The following NDUFA8 variants were observed in gnomAD, a reference collection of about 807,000 sequenced individuals.
NDUFA8 encodes NADH:ubiquinone oxidoreductase subunit A8.
A neutral mutation model predicts 20.9 loss-of-function variants in NDUFA8; 16 were observed. The ratio of observed to expected loss-of-function variants is 0.77; its 90% CI spans 0.52 to 1.16. NDUFA8 has a LOEUF of 1.16. NDUFA8 is among the 50% of genes most tolerant of loss of function. The pLI is 0.00. For synonymous variants in NDUFA8, 70 were observed against 76.1 expected, an observed-to-expected ratio of 0.92 and a Z score of 0.41; for missense variants, 202 against 216.4, an observed-to-expected ratio of 0.93 and a Z score of 0.42.
intron 2 of NDUFA8, among the ~76,000 whole-genome samples, chr9:122,148,717 C>CA (rs1828944988): frequency 6.6e-6 from 1 of 151,952 alleles, no homozygotes; most frequent in Non-Finnish European, 1.5e-5. Flanking sequence ...TTATAAAAAG[C>CA]AAATACACAA....
Position 122,144,193 on chromosome 9 carries a change from T to C in NDUFA8, c.*48A>G. The C allele has an allele frequency of 6.2e-7, 1 of 1,612,496 alleles. No individual in the cohort carries two copies. Among genetic ancestry groups the C allele is most frequent in the Non-Finnish European group, 8.5e-7 (1 of 1,179,914 alleles). ...GATGCAAACCGCATGGGCGTTTTCA[T>C]CAGTCGTTGTCTGAGCACATGACCG... On this transcript the variant is annotated 3_prime_UTR_variant, in exon 4 of 4. Transcript: ENST00000373768.
chr9:122,133,757 C>A, the NDUFA8 span, among the ~76,000 whole-genome samples: 2 of 152,180 alleles, frequency 1.3e-5, no homozygotes, highest in Non-Finnish European at 1.5e-5. Flanking sequence ...CCAGGGCGAG[C>A]GCGTGAGGTG....
chr9:122,155,668 C>T (rs1276136893), intron 1 of NDUFA8, among the ~76,000 whole-genome samples: 1 of 151,976 alleles, frequency 6.6e-6, no homozygotes, highest in Non-Finnish European at 1.5e-5. Flanking sequence ...GTTTTATTAC[C>T]TATAAACAGC....
At chr9:122,154,642 A>G (rs1829051269) in intron 1 of NDUFA8, among the ~76,000 whole-genome samples, 1 of 152,204 alleles carries the variant, frequency 6.6e-6, no homozygotes, top group Middle Eastern at 3.2e-3. Context: ...CCCTTCTGCT[A>G]CTTTATTTTT....
intron 2 of NDUFA8, among the ~76,000 whole-genome samples, chr9:122,150,270 C>T (rs755828444): frequency 3.3e-5 from 5 of 151,778 alleles, no homozygotes; most frequent in Non-Finnish European, 7.4e-5. Flanking sequence ...ATTAGCTGGG[C>T]GTGGTACTGG....
intron 2 of NDUFA8, among the ~76,000 whole-genome samples, chr9:122,148,574 T>C (rs559822246): frequency 6.6e-6 from 1 of 152,322 alleles, no homozygotes; most frequent in East Asian, 1.9e-4. Flanking sequence ...GGGGCCTATT[T>C]ATTCTTTTCT....
chr9:122,136,932 C>G, the NDUFA8 span, among the ~76,000 whole-genome samples: 1 of 152,196 alleles, frequency 6.6e-6, no homozygotes, highest in African/African-American at 2.4e-5. Context: ...GATCCCACTC[C>G]TGCCCTTTAG....
intron 1 of NDUFA8, among the ~76,000 whole-genome samples, chr9:122,158,422 C>T (rs1829111945): frequency 6.6e-6 from 1 of 152,080 alleles, no homozygotes; most frequent in Admixed American, 6.6e-5. Flanking sequence ...CTGCTGCTTC[C>T]CACCACCACC....
chr9:122,154,199 T>C (rs1464683610), intron 1 of NDUFA8, among the ~76,000 whole-genome samples: 1 of 152,264 alleles, frequency 6.6e-6, no homozygotes, highest in African/African-American at 2.4e-5. Context: ...TAATTAAATA[T>C]AATGTTGACT....
downstream of NDUFA8, among the ~76,000 whole-genome samples, chr9:122,143,536 C>T (rs186642307): frequency 8.5e-5 from 13 of 152,318 alleles, no homozygotes; most frequent in East Asian, 1.7e-3. Flanking sequence ...TTGGAATTGA[C>T]ACTCAGACCT....
chr9:122,139,009 T>G, the NDUFA8 span, among the ~76,000 whole-genome samples: 1 of 151,978 alleles, frequency 6.6e-6, no homozygotes, highest in Non-Finnish European at 1.5e-5. Context: ...ACTGTCACAC[T>G]GGGGAGGCTG....
At chr9:122,159,506 C>A (rs1396681073) in intron 1 of NDUFA8, 121 bp downstream of exon 1, 70 of 1,205,894 alleles carry the variant, frequency 5.8e-5, no homozygotes, top group Non-Finnish European at 7.8e-5. Context: ...CCTGTATATG[C>A]GTTGGAGGAC....
the NDUFA8 span, among the ~76,000 whole-genome samples, chr9:122,134,153 A>C: frequency 6.6e-6 from 1 of 152,240 alleles, no homozygotes; most frequent in African/African-American, 2.4e-5. Flanking sequence ...CTCACGTGGA[A>C]ACGCTTGGCA....
rs1344462950 is a variant in NDUFA8, at chr9:122,159,720, T to A, written c.-43A>T. 4 of 1,613,686 alleles carry A rather than the reference T, an allele frequency of 2.5e-6. No homozygotes were observed. The highest frequency in any genetic ancestry group is 3.4e-6 in the Non-Finnish European group (4 of 1,179,886). ...CCCCGACGAGAAGCCCTCAGCCGCG[T>A]CGCCCCCGTCTCCTTGAACTCCCCT... On this transcript the variant is annotated 5_prime_UTR_variant, in exon 1 of 4. Coordinates refer to ENST00000373768, the MANE Select transcript of NDUFA8 (RefSeq NM_014222.3).
At chr9:122,139,275 T>C (rs1828787466), downstream of NDUFA8, among the ~76,000 whole-genome samples, 1 of 152,196 alleles carries the variant, frequency 6.6e-6, no homozygotes, top group South Asian at 2.1e-4. Context: ...TGGCTCCTTT[T>C]CACACTCCAG....
chr9:122,144,840 G>A (rs1175215074), intron 3 of NDUFA8, among the ~76,000 whole-genome samples: 1 of 152,178 alleles, frequency 6.6e-6, no homozygotes, highest in East Asian at 1.9e-4. Context: ...GGCAAGGGAG[G>A]AAAAGACATT....
rs1828933394 is a variant in NDUFA8, at chr9:122,148,132, C to A, written c.361G>T (p.Asp121Tyr). 6.2e-7 allele frequency: 1 copy of A among 1,614,208 alleles called. No homozygotes were observed. The highest frequency in any genetic ancestry group is 2.2e-5 in the East Asian group (1 of 44,884). ...VLDKLGWVRP[D>Y]LGELSKVTKV... ...TTTACCTTTGACAGTTCTCCCAGGTCAGGCCGCACCCAGCCCAGTTTGTCC... is the reference window on the plus strand; with the variant it reads ...TTTACCTTTGACAGTTCTCCCAGGTAAGGCCGCACCCAGCCCAGTTTGTCC... The change falls in exon 3 of 4, where the codon GAC becomes TAC. Residue 121 changes from aspartate (D) to tyrosine (Y), a missense_variant. Physicochemically the swap from Asp to Tyr is radical, Grantham distance 160. Coordinates refer to ENST00000373768, the MANE Select transcript of NDUFA8 (RefSeq NM_014222.3).
the NDUFA8 span, among the ~76,000 whole-genome samples, chr9:122,133,177 C>T: frequency 6.6e-6 from 1 of 152,150 alleles, no homozygotes; most frequent in African/African-American, 2.4e-5. Context: ...GGAATTGAAC[C>T]CAGGTCCCTC....
chr9:122,148,594 A>G (rs1430396600), intron 2 of NDUFA8, among the ~76,000 whole-genome samples: 2 of 152,176 alleles, frequency 1.3e-5, no homozygotes, highest in Non-Finnish European at 2.9e-5. Flanking sequence ...TTTAGATCCA[A>G]TTCCTCTAAG....
Sources: gnomAD v4.1 joint callset for allele counts (sites outside exome capture counted in the v4.1 genomes callset) on GRCh38, gnomAD v4.1.1 for gene constraint, MANE v1.5 for transcripts, NCBI Gene and HGNC (gene_info 2026-07-23, HGNC 2026-07-21) for gene names.